The following KIF24 variants were observed in gnomAD, a reference collection of about 807,000 sequenced individuals.
KIF24 encodes kinesin-like protein KIF24.
In KIF24, 81 loss-of-function variants were observed where a neutral mutation model predicts 118.9. That is an observed-to-expected ratio of 0.68 (90% CI 0.57 to 0.82). KIF24 has a LOEUF of 0.82. Ranked by LOEUF, KIF24 falls within the 40% of genes least tolerant of loss-of-function variation. The pLI is 0.00. For synonymous variants in KIF24, 599 were observed against 610.0 expected (o/e 0.98, Z 0.27); for missense variants, 1,560 against 1,661.6 (o/e 0.94, Z 1.06).
intron 8 of KIF24, among the ~76,000 whole-genome samples, chr9:34,266,038 G>A (rs551532044): frequency 8.6e-5 from 13 of 151,874 alleles, no homozygotes; most frequent in South Asian, 2.1e-4. Context: ...GACTACAGGC[G>A]TGTGCCACCA....
chr9:34,328,536 T>C (rs1837753298), intron 1 of KIF24, among the ~76,000 whole-genome samples: 1 of 152,194 alleles, frequency 6.6e-6, no homozygotes, highest in Non-Finnish European at 1.5e-5. Flanking sequence ...TCCTTTTGCA[T>C]TGAAGATTAG....
upstream of KIF24, among the ~76,000 whole-genome samples, chr9:34,331,241 C>A (rs1016799464): frequency 3.9e-5 from 6 of 152,124 alleles, no homozygotes; most frequent in African/African-American, 1.4e-4. Flanking sequence ...GATGAAAAGT[C>A]ATTTCTTTAA....
chr9:34,262,409 ATTTCAGATTTTT>A (rs1026316037), intron 9 of KIF24, among the ~76,000 whole-genome samples: 4 of 151,708 alleles, frequency 2.6e-5, no homozygotes, highest in Admixed American at 2.0e-4. Context: ...GTTGTTTTGG[ATTTCAGATTTTT>A]TTTCAGATTT....
chr9:34,255,096 C>G lies in KIF24; in HGVS notation c.3942G>C (p.Thr1314=), dbSNP rs372218054. The change falls in exon 12 of 13, where the codon ACG becomes ACC. Residue 1314 remains threonine, a synonymous_variant. Coordinates refer to ENST00000402558, the MANE Select transcript of KIF24 (RefSeq NM_194313.4). ...CATTAGAAGCCAGCTGGCTCATCAG[C>G]GTCTCCTCCTTGAAGCCGAGCTCAG... ...EMAELGFKEE[T]LMSQLASNDF... is the part of the protein sequence containing the mutation. The G allele has an allele frequency of 1.3e-6, 2 of 1,594,160 alleles. No homozygotes were observed. The highest frequency in any genetic ancestry group is 1.7e-6 in the Non-Finnish European group (2 of 1,170,090).
intron 7 of KIF24, 46 bp from the exon 8 acceptor site, chr9:34,269,408 T>A: frequency 1.2e-6 from 1 of 850,798 alleles, no homozygotes; most frequent in Non-Finnish European, 1.8e-6. Flanking sequence ...AGCTTTATTT[T>A]ATTTTATTTT....
intron 1 of KIF24, among the ~76,000 whole-genome samples, chr9:34,317,986 A>AT (rs962044941): frequency 6.6e-6 from 1 of 152,020 alleles, no homozygotes; most frequent in South Asian, 2.1e-4. Flanking sequence ...TAAAATCTTA[A>AT]TTTTTTTTAA....
intron 6 of KIF24, chr9:34,282,531 A>G (rs992135978): frequency 6.6e-6 from 1 of 152,150 alleles, no homozygotes; most frequent in African/African-American, 2.4e-5. Flanking sequence ...AGGATGCACC[A>G]TTCCTGGAGG....
chr9:34,252,784 T>C lies in KIF24; in HGVS notation c.*1596A>G, dbSNP rs1007580815. On this transcript the variant is annotated 3_prime_UTR_variant, in exon 13 of 13. Transcript: ENST00000402558. ...GGCCTTCCTGACTGTGGAGTTGGGATAGGCTGGGCCTTCAGGGGGATCACC... is the reference window on the plus strand; with the variant it reads ...GGCCTTCCTGACTGTGGAGTTGGGACAGGCTGGGCCTTCAGGGGGATCACC... The C allele has an allele frequency of 2.6e-5, 4 of 152,212 alleles. No individual in the cohort carries two copies. Among genetic ancestry groups the C allele is most frequent in the African/African-American group, 9.6e-5 (4 of 41,452 alleles). The allele number at this position is 152,212 out of a possible 1,614,324, so 9.4% of individuals were successfully genotyped here.
chr9:34,319,786 G>C (rs1213243305), intron 1 of KIF24: 4 of 557,078 alleles, frequency 7.2e-6, no homozygotes, highest in South Asian at 4.8e-5. Context: ...AACAAACCAG[G>C]GTTCCCGTGT....
intron 8 of KIF24, among the ~76,000 whole-genome samples, chr9:34,268,089 A>G (rs964586718): frequency 6.6e-6 from 1 of 152,252 alleles, no homozygotes; most frequent in Admixed American, 6.5e-5. Flanking sequence ...CTTATTGGAT[A>G]ATAAAGAATT....
rs1302142989 is a variant in KIF24 at position 34,309,104 on chromosome 9, TAAACAAAAG to T, written c.623+1611_623+1619del. On this transcript the variant is annotated intron_variant, in intron 2 of 12. Transcript: ENST00000402558. ...TCTACAAATCAAACAAACAAACAAA[TAAACAAAAG>T]AGTCAAATAAATGAAATGGTAATGG... Among the ~76,000 whole-genome samples the T allele has an allele frequency of 2.8e-4, 20 of 71,540 alleles. No individual in the cohort carries two copies. The South Asian group carries it at 0.018, about 66-fold the overall frequency. The allele number at this position is 71,540 out of a possible 152,430, so 46.9% of individuals were successfully genotyped here.
intron 10 of KIF24, 45 bp from the exon 11 acceptor site, chr9:34,258,026 T>A: frequency 7.2e-7 from 1 of 1,387,544 alleles, no homozygotes; most frequent in Admixed American, 2.2e-5. Context: ...TCACATGTTC[T>A]GCAATTCCTT....
intron 3 of KIF24, among the ~76,000 whole-genome samples, chr9:34,304,179 T>C (rs1182043037): frequency 6.6e-6 from 1 of 152,174 alleles, no homozygotes. Flanking sequence ...GCCCAAAGAA[T>C]CTACGATCAA....
chr9:34,308,528 C>T (rs1837018415), intron 2 of KIF24, among the ~76,000 whole-genome samples: 1 of 152,170 alleles, frequency 6.6e-6, no homozygotes, highest in African/African-American at 2.4e-5. Flanking sequence ...AGGTGATCCA[C>T]CCGCCTTGGC....
intron 8 of KIF24, 142 bp downstream of exon 8, chr9:34,269,115 A>G (rs908380940): frequency 4.1e-6 from 2 of 487,418 alleles, no homozygotes; most frequent in South Asian, 4.1e-5. Context: ...TCAGCCCTCT[A>G]TCTCCAACCC....
intron 6 of KIF24, among the ~76,000 whole-genome samples, chr9:34,282,375 A>G (rs1306287766): frequency 6.6e-6 from 1 of 152,194 alleles, no homozygotes; most frequent in African/African-American, 2.4e-5. Context: ...TGGGGGCAGG[A>G]GAAATAGGGA....
Position 34,310,921 on chromosome 9 carries a change from T to C in KIF24, c.426A>G (p.Pro142=). The change falls in exon 2 of 13, where the codon CCA becomes CCG. Residue 142 remains proline, a synonymous_variant. Transcript: ENST00000402558. ...TTTTTGTATGGTACTGGGAATCATC[T>C]GGTAGCATGTGTTCTAGCACTTTTA... ...TYLKVLEHML[P]DDSQYHTKTG... 3 of 1,613,624 alleles carry C rather than the reference T, an allele frequency of 1.9e-6. No individual in the cohort carries two copies. In the South Asian group the frequency reaches 3.3e-5, roughly 18 times the overall value.
At position 34,318,208 on chromosome 9, in the gene KIF24, T is replaced by C. The variant is rs192202328; in HGVS notation, c.-25-6837A>G. Among the ~76,000 whole-genome samples the C allele has an allele frequency of 6.6e-6, 1 of 151,950 alleles. No homozygotes were observed. Among genetic ancestry groups the C allele is most frequent in the Admixed American group, 6.6e-5 (1 of 15,264 alleles). ...AGACCCCGCCCCTAAAAAAAAGACATGAATAATGAACATATAGGTAACCCT... is the reference window on the plus strand; with the variant it reads ...AGACCCCGCCCCTAAAAAAAAGACACGAATAATGAACATATAGGTAACCCT... On this transcript the variant is annotated intron_variant, in intron 1 of 12. Coordinates refer to ENST00000402558, the MANE Select transcript of KIF24 (RefSeq NM_194313.4). The surrounding 1 kb of genome is among the most constrained non-coding windows in gnomAD (Gnocchi z 4.9).
intron 1 of KIF24, among the ~76,000 whole-genome samples, chr9:34,316,928 C>T (rs1428390200): frequency 6.6e-6 from 1 of 150,520 alleles, no homozygotes; most frequent in Non-Finnish European, 1.5e-5. Flanking sequence ...AAAAATTGGC[C>T]GGGCGGCTGA....
Sources: gnomAD v4.1 joint callset for allele counts (sites outside exome capture counted in the v4.1 genomes callset) on GRCh38, gnomAD v4.1.1 for gene constraint, Gnocchi (gnomAD v3.1) non-coding constraint, MANE v1.5 for transcripts, NCBI Gene and HGNC (gene_info 2026-07-23, HGNC 2026-07-21) for gene names.